UBE4A: variants seen among roughly 807,000 people sequenced by gnomAD.
The protein encoded by UBE4A is ubiquitin conjugation factor E4 A.
Under a neutral mutation model 117.9 loss-of-function variants are expected in UBE4A, and 48 were observed. The observed-to-expected ratio is 0.41, with a 90% confidence interval of 0.32 to 0.52. The LOEUF (loss-of-function observed/expected upper bound fraction) is 0.52. UBE4A is among the 20% of genes least tolerant of loss of function. The probability of loss-of-function intolerance (pLI) is 0.33; values close to 1 mark genes in which losing one functional copy is unlikely to be tolerated. For missense variants in UBE4A, 1,067 were observed against 1,296.3 expected (o/e 0.82, Z 2.72); for synonymous variants, 407 against 450.0 (o/e 0.90, Z 1.21).
Position 118,384,708 on chromosome 11 carries a change from G to A in UBE4A, c.2271G>A (p.Gly757=). The change falls in exon 14 of 20, where the codon GGG becomes GGA. Residue 757 remains glycine (G), a synonymous_variant. Coordinates refer to ENST00000252108, the MANE Select transcript of UBE4A (RefSeq NM_001204077.2). ...PMYPILRYMW[G]TDTYRESIKD... ...ATCCTATCCTAAGATACATGTGGGG[G>A]ACAGATACCTATCGGGAGAGCATTA... 4 of 1,614,040 alleles carry A rather than the reference G, an allele frequency of 2.5e-6. No homozygotes were observed. Among genetic ancestry groups the A allele is most frequent in the Non-Finnish European group, 3.4e-6 (4 of 1,179,982 alleles).
At chr11:118,367,544 G>T (rs1022150478) in intron 2 of UBE4A, among the ~76,000 whole-genome samples, 2 of 135,342 alleles carry the variant, frequency 1.5e-5, no homozygotes, top group Non-Finnish European at 3.1e-5. Flanking sequence ...TTTTTGAGAC[G>T]AAGTCTTGCT....
chr11:118,369,639 C>T (rs1948592909), intron 4 of UBE4A, 104 bp downstream of exon 4: 1 of 707,370 alleles, frequency 1.4e-6, no homozygotes, highest in East Asian at 2.9e-5. Flanking sequence ...TATGTCCATC[C>T]CTCTCTCTTT....
intron 9 of UBE4A, 152 bp from the exon 10 acceptor site, chr11:118,376,422 A>G: frequency 1.8e-6 from 2 of 1,142,782 alleles, no homozygotes; most frequent in East Asian, 4.9e-5. Context: ...GTAGACGGTG[A>G]GAAACCAAAA....
At chr11:118,368,944 A>G (rs915180791) in intron 3 of UBE4A, 140 bp downstream of exon 3, 3 of 866,560 alleles carry the variant, frequency 3.5e-6, no homozygotes, top group African/African-American at 1.7e-5. Flanking sequence ...TTTATATTTC[A>G]GTGAACCTTT....
rs555850520 is a variant in UBE4A at position 118,372,269 on chromosome 11, G to A, written c.562-238G>A. Among the ~76,000 whole-genome samples, 33 of 152,156 alleles carry A rather than the reference G, an allele frequency of 2.2e-4. 2 individuals carry two copies. In the South Asian group the frequency reaches 5.6e-3, roughly 26 times the overall value. The stretch of plus-strand genomic sequence containing the variant: ...GACTCTGTCTCAAAAATCAGAAAAG[G>A]GCTCATGAATTCATTTCCACTGAGA... On this transcript the variant is annotated intron_variant, in intron 5 of 19. Coordinates refer to ENST00000252108, the MANE Select transcript of UBE4A (RefSeq NM_001204077.2).
chr11:118,378,179 G>A (rs1423136206), intron 10 of UBE4A, among the ~76,000 whole-genome samples: 7 of 150,960 alleles, frequency 4.6e-5, no homozygotes, highest in Admixed American at 2.0e-4. Context: ...CCTGGGAGGC[G>A]GAGGTTGCAG....
chr11:118,362,641 CT>C (rs1176217717), intron 1 of UBE4A, among the ~76,000 whole-genome samples: 3 of 152,166 alleles, frequency 2.0e-5, no homozygotes, highest in African/African-American at 7.2e-5. Context: ...TCTCTCAATT[CT>C]GTTTTCTAGT....
chr11:118,386,395 T>G, intron 15 of UBE4A, 43 bp from the exon 16 acceptor site: 1 of 1,564,774 alleles, frequency 6.4e-7, no homozygotes, highest in African/African-American at 1.4e-5. Flanking sequence ...TCCCTTCAAC[T>G]GCACCTTTCT....
chr11:118,375,238 GA>G lies in UBE4A; in HGVS notation c.1450+11del. 1 of 1,583,076 alleles carries G rather than the reference GA, an allele frequency of 6.3e-7. No individual in the cohort carries two copies. The highest frequency in any genetic ancestry group is 8.6e-7 in the Non-Finnish European group (1 of 1,161,316). On this transcript the variant is annotated intron_variant, in intron 9 of 19. Coordinates refer to ENST00000252108, the MANE Select transcript of UBE4A (RefSeq NM_001204077.2). The stretch of plus-strand genomic sequence containing the variant: ...AAATGTACACATGAGAGGTAGGAGA[GA>G]ACCAGGCTTCTCAAAACTGTGTGTG...
At chr11:118,374,356 A>G (rs150393312) in intron 8 of UBE4A, among the ~76,000 whole-genome samples, 5 of 152,256 alleles carry the variant, frequency 3.3e-5, no homozygotes, top group African/African-American at 1.2e-4. Context: ...GCTTCTTCAC[A>G]TAAATTATAG....
intron 19 of UBE4A, among the ~76,000 whole-genome samples, chr11:118,394,164 T>A (rs1948846568): frequency 1.3e-5 from 2 of 152,100 alleles, no homozygotes; most frequent in South Asian, 4.1e-4. Flanking sequence ...TATTTATTTA[T>A]CTATTTTTTT....
chr11:118,392,894 A>G lies in UBE4A; in HGVS notation c.3073A>G (p.Ser1025Gly). Residue 1025 changes from serine to glycine, a missense_variant and splice_region_variant, in exon 19 of 20, where the codon AGT becomes GGT. Physicochemically the swap from Ser to Gly is moderately conservative, Grantham distance 56. Coordinates refer to ENST00000252108, the MANE Select transcript of UBE4A (RefSeq NM_001204077.2). Reference protein sequence around the residue: ...DRSTIARHLLSDQTDPFNRSP... With the variant: ...DRSTIARHLLGDQTDPFNRSP... Reference sequence around the variant, plus strand: ...ATCCACCATTGCAAGACATTTGCTCAGGTAGGCCAGTCCCAAAAACAGACT... The same window carrying G: ...ATCCACCATTGCAAGACATTTGCTCGGGTAGGCCAGTCCCAAAAACAGACT... 1 of 1,612,374 alleles carries G rather than the reference A, an allele frequency of 6.2e-7. No individual in the cohort carries two copies. The highest frequency in any genetic ancestry group is 8.5e-7 in the Non-Finnish European group (1 of 1,179,488).
chr11:118,376,503 A>G (rs1565533149), intron 9 of UBE4A, 71 bp from the exon 10 acceptor site: 1 of 1,560,782 alleles, frequency 6.4e-7, no homozygotes, highest in Non-Finnish European at 8.6e-7. Context: ...ACAGTATGGA[A>G]ATTGAATGAG....
chr11:118,381,525 T>G lies in UBE4A; in HGVS notation c.2009+2T>G, dbSNP rs782259949. ...CATTTTCACTGGAAGCATAGAAAGG[T>G]GAAGTGCTGAAAGCTTGGTTCTGTC... On this transcript the variant is annotated splice_donor_variant, in intron 12 of 19. Coordinates refer to ENST00000252108, the MANE Select transcript of UBE4A (RefSeq NM_001204077.2). LOFTEE classifies it high-confidence loss of function. The G allele has an allele frequency of 3.1e-6, 5 of 1,613,750 alleles. No individual in the cohort carries two copies. Among genetic ancestry groups the G allele is most frequent in the Non-Finnish European group, 3.4e-6 (4 of 1,179,814 alleles).
rs545371783 is a variant in UBE4A at position 118,370,753 on chromosome 11, G to T, written c.409-761G>T. On this transcript the variant is annotated intron_variant, in intron 4 of 19. Coordinates refer to ENST00000252108, the MANE Select transcript of UBE4A (RefSeq NM_001204077.2). Reference sequence around the variant, plus strand: ...GAGGGCTTTTGTGCTGCCTCACAATGTGGTGGAGGAAGTCACCAAAGGACA... The same window carrying T: ...GAGGGCTTTTGTGCTGCCTCACAATTTGGTGGAGGAAGTCACCAAAGGACA... 3.8e-4 allele frequency among the ~76,000 whole-genome samples: 58 copies of T among 152,280 alleles called. No homozygotes were observed. In the Middle Eastern group the frequency reaches 0.01, roughly 27 times the overall value.
chr11:118,375,222 CAT>C lies in UBE4A; in HGVS notation c.1444_1445del (p.Met482GlufsTer45), dbSNP rs1187834146. 5.0e-6 allele frequency: 8 copies of C among 1,604,386 alleles called. No homozygotes were observed. Among genetic ancestry groups the C allele is most frequent in the East Asian group, 2.2e-5 (1 of 44,662 alleles). On this transcript the variant is annotated frameshift_variant, in exon 9 of 20. Coordinates refer to ENST00000252108, the MANE Select transcript of UBE4A (RefSeq NM_001204077.2). LOFTEE classifies it high-confidence loss of function. ...AAGAACGAAAAATTAAAAATGTACA[CAT>C]GAGAGGTAGGAGAGAACCAGGCTTC... ...DEERKIKNVH[M>X]RGLDKETCLI...
At chr11:118,395,379 G>A (rs563727900) in intron 19 of UBE4A, among the ~76,000 whole-genome samples, 2 of 151,260 alleles carry the variant, frequency 1.3e-5, no homozygotes, top group South Asian at 4.2e-4. Context: ...TTGGTATTAA[G>A]CATTCACTAT....
Position 118,396,547 on chromosome 11 carries a change from CT to C in UBE4A, c.*125del, listed in dbSNP as rs5795126. ...TCCTTTTCTTTCTTCTTTTCTTTTT[CT>C]TTTTTTTTTTTTTTTTTACTAAATT... On this transcript the variant is annotated 3_prime_UTR_variant, in exon 20 of 20. Transcript: ENST00000252108. 153,921 of 805,130 alleles carry C rather than the reference CT, an allele frequency of 0.19. 1 individual carries two copies. Among genetic ancestry groups the C allele is most frequent in the Non-Finnish European group, 0.21 (125,812 of 599,684 alleles). The allele number at this position is 805,130 out of a possible 1,614,324, so 49.9% of individuals were successfully genotyped here.
At chr11:118,393,430 C>T (rs1170157228) in intron 19 of UBE4A, among the ~76,000 whole-genome samples, 2 of 152,102 alleles carry the variant, frequency 1.3e-5, no homozygotes, top group African/African-American at 4.8e-5. Context: ...TCTGGAGTAA[C>T]TGGGACTACA....
Sources: gnomAD v4.1 joint callset for allele counts (sites outside exome capture counted in the v4.1 genomes callset) on GRCh38, gnomAD v4.1.1 for gene constraint, MANE v1.5 for transcripts, NCBI Gene and HGNC (gene_info 2026-07-23, HGNC 2026-07-21) for gene names.